Variants in CSGALNACT1 observed in about 807,000 individuals in gnomAD.
CSGALNACT1 encodes the protein chondroitin sulfate N-acetylgalactosaminyltransferase 1, also known as beta4GalNAcT-1.
In CSGALNACT1, 52 loss-of-function variants were observed where a neutral mutation model predicts 51.0. That is an observed-to-expected ratio of 1.02 (90% CI 0.82 to 1.29). The LOEUF is 1.29. Among genes scored for constraint, CSGALNACT1 ranks in the 50% most tolerant of loss-of-function variants. The pLI is 0.00. For missense variants in CSGALNACT1, 935 were observed against 679.2 expected (o/e 1.38, Z -4.19); for synonymous variants, 341 against 254.4 (o/e 1.34, Z -3.24).
At chr8:19,660,061 AG>A (rs2058629766) in intron 1 of CSGALNACT1, among the ~76,000 whole-genome samples, 1 of 152,258 alleles carries the variant, frequency 6.6e-6, no homozygotes, top group Non-Finnish European at 1.5e-5. Context: ...CGCACGGGGA[AG>A]TTAAGTCAAC....
At chr8:19,576,495 T>C (rs978096372) in intron 3 of CSGALNACT1, among the ~76,000 whole-genome samples, 1 of 151,838 alleles carries the variant, frequency 6.6e-6, no homozygotes, top group South Asian at 2.1e-4. Flanking sequence ...ACCCGGCCTA[T>C]TCCTAATCTT....
intron 3 of CSGALNACT1, among the ~76,000 whole-genome samples, chr8:19,521,883 G>C (rs1403879653): frequency 1.3e-5 from 2 of 152,228 alleles, no homozygotes; most frequent in Admixed American, 6.5e-5. Flanking sequence ...TTACTGCACA[G>C]GCAAGCATCT....
intron 4 of CSGALNACT1, among the ~76,000 whole-genome samples, chr8:19,459,706 G>C (rs1345597870): frequency 6.6e-6 from 1 of 152,154 alleles, no homozygotes; most frequent in African/African-American, 2.4e-5. Flanking sequence ...TCATGCTCCT[G>C]TGCCTCATTT....
At chr8:19,654,108 G>C (rs547908070) in intron 1 of CSGALNACT1, among the ~76,000 whole-genome samples, 1 of 152,158 alleles carries the variant, frequency 6.6e-6, no homozygotes, top group East Asian at 1.9e-4. Context: ...GAAAACACAC[G>C]AACTGACTGC....
chr8:19,672,145 T>C (rs2059841855), intron 1 of CSGALNACT1, among the ~76,000 whole-genome samples: 1 of 152,242 alleles, frequency 6.6e-6, no homozygotes, highest in Admixed American at 6.5e-5. Context: ...TGTCTCCCTC[T>C]CTTTCTGTCA....
intron 4 of CSGALNACT1, among the ~76,000 whole-genome samples, chr8:19,471,923 C>A (rs1471379203): frequency 3.3e-5 from 5 of 152,144 alleles, no homozygotes; most frequent in African/African-American, 1.2e-4. Context: ...CTGGCTGGAC[C>A]CAGATATCAG....
chr8:19,543,508 C>G (rs2085737091), intron 3 of CSGALNACT1, among the ~76,000 whole-genome samples: 2 of 152,192 alleles, frequency 1.3e-5, no homozygotes, highest in Admixed American at 1.3e-4. Context: ...TACTTTCTTT[C>G]TGAGAGCCTG....
chr8:19,573,243 ACTGT>A (rs887226015), intron 3 of CSGALNACT1, among the ~76,000 whole-genome samples: 4 of 152,160 alleles, frequency 2.6e-5, no homozygotes, highest in Admixed American at 2.6e-4. Flanking sequence ...ACATCAACTG[ACTGT>A]CATAGCAACC....
intron 3 of CSGALNACT1, among the ~76,000 whole-genome samples, chr8:19,565,929 A>C (rs1297052573): frequency 2.0e-5 from 3 of 152,154 alleles, no homozygotes; most frequent in East Asian, 3.9e-4. Context: ...ACAAAAACAA[A>C]AAACTTCAAG....
At chr8:19,749,466 TA>T (rs1195589873) in intron 1 of CSGALNACT1, among the ~76,000 whole-genome samples, 2 of 152,292 alleles carry the variant, frequency 1.3e-5, no homozygotes, top group South Asian at 4.1e-4. Context: ...AATAACGAGT[TA>T]AGGCTTCCTG....
In CSGALNACT1 at chr8:19,612,130, G is replaced by A. The variant is rs553010354; in HGVS notation, c.-543-10265C>T. 2.0e-5 allele frequency among the ~76,000 whole-genome samples: 3 copies of A among 152,120 alleles called. No homozygotes were observed. In the East Asian group the frequency reaches 5.8e-4, roughly 29 times the overall value. ...GGCTAAGGCAGATGGATCACTTGAG[G>A]CCAGGAGCTCGAGACCTGCCTAGGC... On this transcript the variant is annotated intron_variant, in intron 1 of 9. Transcript: ENST00000332246.
At chr8:19,436,432 G>T (rs4921643) in intron 6 of CSGALNACT1, among the ~76,000 whole-genome samples, 93,313 of 152,022 alleles carry the variant, frequency 0.61, 29,946 homozygotes, top group East Asian at 0.83. Flanking sequence ...AAGCCTCAGT[G>T]TCTTTACATG....
intron 3 of CSGALNACT1, among the ~76,000 whole-genome samples, chr8:19,516,514 T>C (rs2079552504): frequency 6.6e-6 from 1 of 152,182 alleles, no homozygotes; most frequent in African/African-American, 2.4e-5. Flanking sequence ...ACTGCTTCTC[T>C]AGTTAAAATG....
intron 3 of CSGALNACT1, among the ~76,000 whole-genome samples, chr8:19,528,238 G>A (rs917788680): frequency 3.3e-5 from 5 of 150,736 alleles, no homozygotes; most frequent in Admixed American, 6.6e-5. Flanking sequence ...CCATCTGCCC[G>A]AACACCATTT....
At chr8:19,670,907 G>C (rs1359987614) in intron 1 of CSGALNACT1, among the ~76,000 whole-genome samples, 3 of 152,092 alleles carry the variant, frequency 2.0e-5, no homozygotes, top group Non-Finnish European at 4.4e-5. Flanking sequence ...CTGTGTGCTT[G>C]GCCTACTCCA....
At chr8:19,749,359 A>C (rs1045296957) in intron 1 of CSGALNACT1, among the ~76,000 whole-genome samples, 3 of 151,902 alleles carry the variant, frequency 2.0e-5, no homozygotes, top group Non-Finnish European at 4.4e-5. Context: ...TTGGCTTTAA[A>C]AAAAAAAGCC....
At chr8:19,548,311 C>T (rs2086986171) in intron 3 of CSGALNACT1, among the ~76,000 whole-genome samples, 1 of 152,254 alleles carries the variant, frequency 6.6e-6, no homozygotes, top group South Asian at 2.1e-4. Flanking sequence ...TTAAGTTAGA[C>T]AGTAAGTGTG....
chr8:19,560,975 C>A (rs78047700), intron 3 of CSGALNACT1, among the ~76,000 whole-genome samples: 4,651 of 152,290 alleles, frequency 0.031, 244 homozygotes, highest in African/African-American at 0.11. Context: ...GAAGCCACAG[C>A]TACACACAGC....
chr8:19,544,291 C>A (rs1210411822), intron 3 of CSGALNACT1, among the ~76,000 whole-genome samples: 4 of 152,074 alleles, frequency 2.6e-5, no homozygotes, highest in Admixed American at 2.6e-4. Context: ...CTAATCCAAT[C>A]TTAAGGAAAT....
Sources: gnomAD v4.1 joint callset for allele counts (sites outside exome capture counted in the v4.1 genomes callset) on GRCh38, gnomAD v4.1.1 for gene constraint, MANE v1.5 for transcripts, NCBI Gene and HGNC (gene_info 2026-07-23, HGNC 2026-07-21) for gene names.